The following KATNAL1 variants were observed in gnomAD, a reference collection of about 807,000 sequenced individuals.
KATNAL1 encodes the protein katanin p60 ATPase-containing subunit A-like 1.
In KATNAL1, 32 loss-of-function variants were observed where a neutral mutation model predicts 55.2. That is an observed-to-expected ratio of 0.58 (90% CI 0.44 to 0.78). The LOEUF is 0.78. Among genes scored for constraint, KATNAL1 ranks in the 30% least tolerant of loss-of-function variants. KATNAL1 has a pLI of 0.00. For missense variants in KATNAL1, 466 were observed against 600.9 expected (o/e 0.78, Z 2.35); for synonymous variants, 193 against 193.6 (o/e 1.00, Z 0.02).
At chr13:30,236,523 G>T (rs1007546988) in intron 6 of KATNAL1, among the ~76,000 whole-genome samples, 6 of 152,172 alleles carry the variant, frequency 3.9e-5, no homozygotes, top group African/African-American at 1.4e-4. Context: ...AAAAGCCCAT[G>T]ACTTTCTGCA....
At chr13:30,241,609 G>A (rs1050997590) in intron 4 of KATNAL1, among the ~76,000 whole-genome samples, 2 of 152,156 alleles carry the variant, frequency 1.3e-5, no homozygotes, top group Admixed American at 6.5e-5. Context: ...ATTTGCCAGA[G>A]ACAGTCCAAC....
At chr13:30,277,607 TC>T (rs1322937393) in intron 3 of KATNAL1, among the ~76,000 whole-genome samples, 10 of 152,206 alleles carry the variant, frequency 6.6e-5, no homozygotes, top group Admixed American at 3.9e-4. Flanking sequence ...ACTCTAACCT[TC>T]CATAACCTTT....
intron 1 of KATNAL1, 48 bp from the exon 2 acceptor site, chr13:30,283,839 T>G: frequency 7.9e-7 from 1 of 1,258,698 alleles, no homozygotes; most frequent in Non-Finnish European, 1.1e-6. Context: ...GCACTGACTT[T>G]AAAACATTTA....
intron 9 of KATNAL1, among the ~76,000 whole-genome samples, chr13:30,212,722 A>G (rs979959709): frequency 6.6e-5 from 10 of 152,264 alleles, no homozygotes; most frequent in Non-Finnish European, 1.0e-4. Flanking sequence ...AGCACTGTTC[A>G]TAATAGCCTA....
At chr13:30,267,964 C>A (rs1879911038) in intron 3 of KATNAL1, among the ~76,000 whole-genome samples, 1 of 152,142 alleles carries the variant, frequency 6.6e-6, no homozygotes, top group Admixed American at 6.5e-5. Flanking sequence ...AAAGGACAAC[C>A]ACCTTGGTAA....
chr13:30,208,703 T>C lies in KATNAL1; in HGVS notation c.1310A>G (p.Asn437Ser), dbSNP rs771745647. The change falls in exon 11 of 11, where the codon AAT becomes AGT. Residue 437 changes from asparagine to serine, a missense_variant. Asn to Ser is a conservative substitution (Grantham distance 46). Coordinates refer to ENST00000380615, the MANE Select transcript of KATNAL1 (RefSeq NM_032116.5). ...ACGGATTTCTTCTGGACTTAAGCCATTGATACGCCGTCTCATTGCCATTAA... is the reference window on the plus strand; with the variant it reads ...ACGGATTTCTTCTGGACTTAAGCCACTGATACGCCGTCTCATTGCCATTAA... The part of the protein sequence containing the change: ...ASLMAMRRRI[N>S]GLSPEEIRAL... 11 of 1,613,294 alleles carry C rather than the reference T, an allele frequency of 6.8e-6. No homozygotes were observed. The highest frequency in any genetic ancestry group is 5.3e-5 in the African/African-American group (4 of 74,928).
chr13:30,227,961 G>C (rs1173496850), intron 8 of KATNAL1, among the ~76,000 whole-genome samples: 1 of 152,074 alleles, frequency 6.6e-6, no homozygotes, highest in Non-Finnish European at 1.5e-5. Context: ...TTCTCAAGAA[G>C]TGAAAACAGA....
At chr13:30,231,745 C>A (rs1313743047) in intron 6 of KATNAL1, among the ~76,000 whole-genome samples, 2 of 152,124 alleles carry the variant, frequency 1.3e-5, no homozygotes, top group African/African-American at 4.8e-5. Context: ...GATATAATCT[C>A]AGTTTCCTGA....
chr13:30,298,852 G>T (rs1021055894), intron 1 of KATNAL1, among the ~76,000 whole-genome samples: 1 of 152,026 alleles, frequency 6.6e-6, no homozygotes, highest in Non-Finnish European at 1.5e-5. Context: ...AGAAAGAGAA[G>T]ATCCATCATG....
At chr13:30,303,430 G>A (rs1882985335) in intron 1 of KATNAL1, among the ~76,000 whole-genome samples, 1 of 152,136 alleles carries the variant, frequency 6.6e-6, no homozygotes, top group Non-Finnish European at 1.5e-5. Flanking sequence ...AGCCGGGTGT[G>A]GCCACATGCC....
In KATNAL1 at chr13:30,269,422, C is replaced by A. The variant is rs552231968; in HGVS notation, c.323+10641G>T. ...AGGCTGGAGTGCAGTGGCGTGATCTCGGCTCGCTACAACCTCCGCCTGCCT... is the reference window on the plus strand; with the variant it reads ...AGGCTGGAGTGCAGTGGCGTGATCTAGGCTCGCTACAACCTCCGCCTGCCT... On this transcript the variant is annotated intron_variant, in intron 3 of 10. Coordinates refer to ENST00000380615, the MANE Select transcript of KATNAL1 (RefSeq NM_032116.5). Among the ~76,000 whole-genome samples, 293 of 152,378 alleles carry A rather than the reference C, an allele frequency of 1.9e-3. 1 individual carries two copies. The highest frequency in any genetic ancestry group is 3.4e-3 in the Middle Eastern group (1 of 294).
At chr13:30,252,976 G>A (rs1369341403) in intron 4 of KATNAL1, among the ~76,000 whole-genome samples, 2 of 152,012 alleles carry the variant, frequency 1.3e-5, no homozygotes, top group Non-Finnish European at 2.9e-5. Context: ...TGAACTCCTG[G>A]GCTAAAGTGA....
At chr13:30,225,113 T>C (rs1337294651) in intron 9 of KATNAL1, among the ~76,000 whole-genome samples, 3 of 152,334 alleles carry the variant, frequency 2.0e-5, no homozygotes, top group African/African-American at 7.2e-5. Flanking sequence ...TTTAGCTAGC[T>C]TCTTCTGTAG....
intron 3 of KATNAL1, among the ~76,000 whole-genome samples, chr13:30,274,905 G>GCACACACACA (rs1212571978): frequency 1.3e-4 from 11 of 84,344 alleles, no homozygotes; most frequent in East Asian, 6.3e-4. Flanking sequence ...GCGCGCGCGC[G>GCACACACACA]CGCACACACA....
At chr13:30,218,113 G>A (rs1395587674) in intron 9 of KATNAL1, among the ~76,000 whole-genome samples, 3 of 151,608 alleles carry the variant, frequency 2.0e-5, no homozygotes, top group African/African-American at 7.3e-5. Context: ...AGCAGAATGG[G>A]GGAAAAAGGT....
intron 1 of KATNAL1, among the ~76,000 whole-genome samples, chr13:30,300,550 G>C (rs907470280): frequency 2.0e-5 from 3 of 151,180 alleles, no homozygotes; most frequent in Non-Finnish European, 4.4e-5. Flanking sequence ...CCAAATCACC[G>C]AAGTCCAGTT....
chr13:30,219,234 T>G (rs926879784), intron 9 of KATNAL1, among the ~76,000 whole-genome samples: 1 of 152,168 alleles, frequency 6.6e-6, no homozygotes, highest in Non-Finnish European at 1.5e-5. Context: ...TCTTTTCAGA[T>G]CTCTCATCTT....
intron 3 of KATNAL1, among the ~76,000 whole-genome samples, chr13:30,259,209 G>A (rs553472953): frequency 8.5e-4 from 130 of 152,186 alleles, no homozygotes; most frequent in African/African-American, 1.9e-3. Flanking sequence ...ACATGGCGGT[G>A]GGCACCTGTA....
At chr13:30,261,538 G>C (rs1419699868) in intron 3 of KATNAL1, among the ~76,000 whole-genome samples, 1 of 152,030 alleles carries the variant, frequency 6.6e-6, no homozygotes, top group Middle Eastern at 3.2e-3. Flanking sequence ...CAAGCAAATG[G>C]AAAACAAAAA....
Sources: gnomAD v4.1 joint callset for allele counts (sites outside exome capture counted in the v4.1 genomes callset) on GRCh38, gnomAD v4.1.1 for gene constraint, MANE v1.5 for transcripts, NCBI Gene and HGNC (gene_info 2026-07-23, HGNC 2026-07-21) for gene names.